Variants in TRPM7 observed in about 807,000 individuals in gnomAD.
TRPM7 encodes the protein transient receptor potential cation channel subfamily M member 7.
TRPM7 carries 134 observed loss-of-function variants against 229.7 expected under a neutral mutation model. The observed-to-expected ratio is 0.58, with a 90% CI of 0.51 to 0.67. TRPM7 has a LOEUF of 0.67. Ranked by LOEUF, TRPM7 falls within the 30% of genes least tolerant of loss-of-function variation. The probability of loss-of-function intolerance (pLI) is 0.00; values close to 1 mark genes in which losing one functional copy is unlikely to be tolerated. For missense variants in TRPM7, 1,901 were observed against 2,210.0 expected (o/e 0.86, Z 2.80); for synonymous variants, 699 against 715.2 (o/e 0.98, Z 0.36).
At chr15:50,601,711 G>C (rs1043170229) in intron 21 of TRPM7, among the ~76,000 whole-genome samples, 1 of 152,002 alleles carries the variant, frequency 6.6e-6, no homozygotes, top group African/African-American at 2.4e-5. Context: ...GAATGAGTGT[G>C]AGAAGTTTAG....
intron 3 of TRPM7, among the ~76,000 whole-genome samples, chr15:50,655,767 G>A (rs1380586248): frequency 6.6e-6 from 1 of 152,134 alleles, no homozygotes; most frequent in Non-Finnish European, 1.5e-5. Context: ...GGAGGCCAAG[G>A]CAGGCAGATC....
At chr15:50,590,895 C>T (rs1430645245) in intron 26 of TRPM7, among the ~76,000 whole-genome samples, 2 of 151,754 alleles carry the variant, frequency 1.3e-5, no homozygotes, top group African/African-American at 4.8e-5. Flanking sequence ...AGAGTGAATC[C>T]CATATAGCCT....
At chr15:50,564,696 A>G (rs2053512458) in intron 38 of TRPM7, among the ~76,000 whole-genome samples, 1 of 152,170 alleles carries the variant, frequency 6.6e-6, no homozygotes, top group Admixed American at 6.5e-5. Context: ...ATTTTTTAAA[A>G]AATAAAAATA....
At chr15:50,675,428 C>G (rs28452820) in intron 1 of TRPM7, among the ~76,000 whole-genome samples, 2 of 152,106 alleles carry the variant, frequency 1.3e-5, no homozygotes. Flanking sequence ...ACCTCTCATT[C>G]TGTTTATGTA....
chr15:50,680,211 G>C (rs1168286698), intron 1 of TRPM7, among the ~76,000 whole-genome samples: 1 of 150,804 alleles, frequency 6.6e-6, no homozygotes, highest in Non-Finnish European at 1.5e-5. Context: ...TCCAGCCTGG[G>C]TGACAGAGCA....
At chr15:50,604,648 T>C (rs1194893453) in intron 21 of TRPM7, 5 of 386,882 alleles carry the variant, frequency 1.3e-5, no homozygotes, top group African/African-American at 2.1e-5. Context: ...AAACCATAGA[T>C]GGTATAGCTA....
chr15:50,625,192 TGTATTTTAA>T (rs747488022), intron 11 of TRPM7, among the ~76,000 whole-genome samples: 20 of 152,216 alleles, frequency 1.3e-4, no homozygotes, highest in Non-Finnish European at 2.6e-4. Context: ...TATATTTCTG[TGTATTTTAA>T]GTATTTTAGT....
At chr15:50,621,028 G>A (rs979078447) in intron 12 of TRPM7, among the ~76,000 whole-genome samples, 10 of 151,356 alleles carry the variant, frequency 6.6e-5, no homozygotes, top group Admixed American at 2.0e-4. Context: ...GCATGGTGGC[G>A]GGCGCCTGTA....
intron 1 of TRPM7, among the ~76,000 whole-genome samples, chr15:50,665,432 A>T (rs1185785450): frequency 2.6e-5 from 4 of 152,074 alleles, no homozygotes; most frequent in Non-Finnish European, 5.9e-5. Flanking sequence ...CTTGACCATA[A>T]AATAAGATTC....
In TRPM7 at chr15:50,613,807, T is replaced by C; in HGVS notation, c.1670A>G (p.Gln557Arg). The change falls in exon 15 of 39, where the codon CAG becomes CGG. Residue 557 changes from glutamine (Q) to arginine (R), a missense_variant. Transcript: ENST00000646667. ...AAAAGATTCATGACTCTTTCGCAAC[T>C]GAGGAGTGCTGCTGGAGGTATTTCG... ...SGRNTSSSTPQLRKSHESFGN... is the reference protein window; with the variant it reads ...SGRNTSSSTPRLRKSHESFGN... The C allele has an allele frequency of 6.2e-7, 1 of 1,613,732 alleles. No homozygotes were observed. The highest frequency in any genetic ancestry group is 8.5e-7 in the Non-Finnish European group (1 of 1,179,920).
At chr15:50,624,119 C>T (rs769967795) in intron 12 of TRPM7, 47 bp downstream of exon 12, 3 of 1,546,668 alleles carry the variant, frequency 1.9e-6, no homozygotes, top group East Asian at 2.3e-5. Flanking sequence ...AGTAACATTT[C>T]CCAAAAGATA....
chr15:50,571,275 G>T (rs1459716280), intron 36 of TRPM7, among the ~76,000 whole-genome samples: 1 of 152,200 alleles, frequency 6.6e-6, no homozygotes, highest in African/African-American at 2.4e-5. Flanking sequence ...GTAGAAGGCT[G>T]AGTATGATTT....
intron 27 of TRPM7, among the ~76,000 whole-genome samples, chr15:50,588,584 A>T (rs1188838274): frequency 6.6e-6 from 1 of 152,186 alleles, no homozygotes; most frequent in Non-Finnish European, 1.5e-5. Context: ...CTCCTACGTC[A>T]TTATCATTTC....
rs1011461794 is a variant in TRPM7 at position 50,631,267 on chromosome 15, A to C, written c.1204+150T>G. The stretch of plus-strand genomic sequence containing the variant: ...AGGAAACCAACATTGTGTCTTTCAC[A>C]AAGAAAAATGACTGAAAATTCACTT... On this transcript the variant is annotated intron_variant, in intron 10 of 38. Transcript: ENST00000646667. 1.9e-5 allele frequency: 8 copies of C among 429,918 alleles called. No homozygotes were observed. The Admixed American group carries it at 2.5e-4, about 13-fold the overall frequency. 26.6% of individuals were successfully genotyped at this position (429,918 alleles called of 1,614,324 possible).
At position 50,671,042 on chromosome 15, in the gene TRPM7, C is replaced by T. The variant is rs571564783; in HGVS notation, c.4-7996G>A. ...TCGAGCTAATTATCATATACATTGCCTCACATACTATTTTTTTGTGGTGAG... is the reference window on the plus strand; with the variant it reads ...TCGAGCTAATTATCATATACATTGCTTCACATACTATTTTTTTGTGGTGAG... On this transcript the variant is annotated intron_variant, in intron 1 of 38. Coordinates refer to ENST00000646667, the MANE Select transcript of TRPM7 (RefSeq NM_017672.6). 2.6e-3 allele frequency among the ~76,000 whole-genome samples: 391 copies of T among 152,184 alleles called. 7 individuals are homozygous for T. The highest frequency in any genetic ancestry group is 3.5e-4 in the Non-Finnish European group (24 of 68,014).
At chr15:50,655,438 A>G (rs1013831652) in intron 3 of TRPM7, among the ~76,000 whole-genome samples, 4 of 114,664 alleles carry the variant, frequency 3.5e-5, no homozygotes, top group African/African-American at 9.8e-5. Context: ...ATCTCAAAGG[A>G]AAAAAAAAAC....
chr15:50,557,872 G>C lies in TRPM7; in HGVS notation c.*3806C>G, dbSNP rs944298948. On this transcript the variant is annotated 3_prime_UTR_variant, in exon 39 of 39. Transcript: ENST00000646667. ...TTGGCCAGGCTGGTCTTGAACTCCTGACCTCAGATGATCCACCCACCTTGG... is the reference window on the plus strand; with the variant it reads ...TTGGCCAGGCTGGTCTTGAACTCCTCACCTCAGATGATCCACCCACCTTGG... The C allele has an allele frequency of 2.0e-5, 3 of 152,192 alleles. No individual in the cohort carries two copies. The highest frequency in any genetic ancestry group is 7.2e-5 in the African/African-American group (3 of 41,434). The allele number at this position is 152,192 out of a possible 1,614,324, so 9.4% of individuals were successfully genotyped here. A position where few individuals can be genotyped will look rare whatever the true frequency, so the allele number is the denominator to read the frequency against.
At chr15:50,663,838 C>T (rs2061801279) in intron 1 of TRPM7, among the ~76,000 whole-genome samples, 1 of 152,158 alleles carries the variant, frequency 6.6e-6, no homozygotes, top group South Asian at 2.1e-4. Flanking sequence ...TGATGTGCTC[C>T]TGTAGTCCCA....
At chr15:50,615,074 G>C (rs2060182521) in intron 13 of TRPM7, among the ~76,000 whole-genome samples, 1 of 151,004 alleles carries the variant, frequency 6.6e-6, no homozygotes, top group Admixed American at 6.6e-5. Flanking sequence ...GGGAGGCTGA[G>C]GTAGGAAAAT....
Sources: allele counts gnomAD v4.1 joint callset (sites outside exome capture counted in the v4.1 genomes callset), GRCh38; gene constraint gnomAD v4.1.1; transcripts MANE v1.5; gene names NCBI Gene and HGNC (gene_info 2026-07-23, HGNC 2026-07-21).